GALNT13: variants seen among roughly 807,000 people sequenced by gnomAD.
The protein encoded by GALNT13 is UDP-GalNAc:polypeptide N-acetylgalactosaminyltransferase 13.
In GALNT13, 28 loss-of-function variants were observed where a neutral mutation model predicts 64.2. The ratio of observed to expected loss-of-function variants is 0.44; its 90% CI spans 0.32 to 0.60. The LOEUF is 0.60. Ranked by LOEUF, GALNT13 falls within the 20% of genes least tolerant of loss-of-function variation. GALNT13 has a pLI of 0.05. For synonymous variants in GALNT13, 214 were observed against 224.6 expected (o/e 0.95, Z 0.42); for missense variants, 577 against 669.8 (o/e 0.86, Z 1.53).
the GALNT13 span, among the ~76,000 whole-genome samples, chr2:153,085,635 G>C: frequency 3.9e-5 from 6 of 152,198 alleles, no homozygotes; most frequent in Non-Finnish European, 5.9e-5. Context: ...GGGAACCTCT[G>C]CCTGGATTTC....
chr2:153,690,621 C>T, the GALNT13 span, among the ~76,000 whole-genome samples: 1 of 152,266 alleles, frequency 6.6e-6, no homozygotes, highest in East Asian at 1.9e-4. Flanking sequence ...GGACTTAACA[C>T]ATCCCCACAA....
intron 3 of GALNT13, among the ~76,000 whole-genome samples, chr2:153,992,861 A>G (rs936160778): frequency 6.6e-6 from 1 of 152,198 alleles, no homozygotes; most frequent in African/African-American, 2.4e-5. Flanking sequence ...CTATTAGGCA[A>G]ATTATTTTTA....
chr2:154,345,915 C>A (rs1696042638), intron 9 of GALNT13, among the ~76,000 whole-genome samples: 1 of 152,064 alleles, frequency 6.6e-6, no homozygotes, highest in Non-Finnish European at 1.5e-5. Context: ...TAGATATTAT[C>A]TTTCCTCTTT....
At chr2:153,860,168 G>T in the GALNT13 span, among the ~76,000 whole-genome samples, 1 of 152,134 alleles carries the variant, frequency 6.6e-6, no homozygotes, top group Non-Finnish European at 1.5e-5. Context: ...TGAAACTTTG[G>T]AAATTGGGTT....
chr2:153,631,912 GT>G, the GALNT13 span, among the ~76,000 whole-genome samples: 1 of 152,070 alleles, frequency 6.6e-6, no homozygotes, highest in Non-Finnish European at 1.5e-5. Flanking sequence ...TATCGCCTAG[GT>G]TTTCTTCTAG....
the GALNT13 span, among the ~76,000 whole-genome samples, chr2:153,103,386 A>G: frequency 3.9e-5 from 6 of 152,290 alleles, no homozygotes; most frequent in East Asian, 9.6e-4. Flanking sequence ...ATTAAATGTG[A>G]TGCCTCCAGA....
At chr2:153,663,623 A>T in the GALNT13 span, among the ~76,000 whole-genome samples, 1 of 152,184 alleles carries the variant, frequency 6.6e-6, no homozygotes, top group African/African-American at 2.4e-5. Flanking sequence ...CCCACTCCCA[A>T]AGAAAAATTT....
At chr2:153,355,521 C>T in the GALNT13 span, among the ~76,000 whole-genome samples, 2 of 151,990 alleles carry the variant, frequency 1.3e-5, no homozygotes, top group Non-Finnish European at 1.5e-5. Context: ...GGCATAGTGT[C>T]TTATATAAAG....
At chr2:153,412,523 T>C in the GALNT13 span, among the ~76,000 whole-genome samples, 1 of 152,134 alleles carries the variant, frequency 6.6e-6, no homozygotes, top group East Asian at 1.9e-4. Context: ...ATTGTAAGAG[T>C]GCACTGGCAT....
the GALNT13 span, among the ~76,000 whole-genome samples, chr2:153,604,550 T>A: frequency 5.9e-5 from 9 of 152,166 alleles, no homozygotes; most frequent in South Asian, 1.7e-3. Flanking sequence ...AATATCCTAT[T>A]TAAATTGCTA....
intron 3 of GALNT13, among the ~76,000 whole-genome samples, chr2:154,091,693 A>G (rs1229975016): frequency 6.6e-6 from 1 of 152,038 alleles, no homozygotes; most frequent in African/African-American, 2.4e-5. Flanking sequence ...CACTTATTTA[A>G]TTCATTTATA....
the GALNT13 span, among the ~76,000 whole-genome samples, chr2:153,711,762 A>G: frequency 6.6e-6 from 1 of 152,134 alleles, no homozygotes; most frequent in African/African-American, 2.4e-5. Context: ...CAAAAATGCA[A>G]GTTAATAAGG....
At chr2:154,231,247 A>C (rs1022461878) in intron 4 of GALNT13, among the ~76,000 whole-genome samples, 1 of 152,094 alleles carries the variant, frequency 6.6e-6, no homozygotes, top group Non-Finnish European at 1.5e-5. Flanking sequence ...ATACCTCCTT[A>C]AAAGAAATTC....
At chr2:153,283,462 G>C in the GALNT13 span, among the ~76,000 whole-genome samples, 2 of 152,162 alleles carry the variant, frequency 1.3e-5, no homozygotes. Flanking sequence ...GGATATGCCT[G>C]GTCATGTGTT....
the GALNT13 span, among the ~76,000 whole-genome samples, chr2:153,648,488 A>G: frequency 6.6e-6 from 1 of 152,110 alleles, no homozygotes; most frequent in Non-Finnish European, 1.5e-5. Flanking sequence ...CCTGGTCAGA[A>G]CTTCCAACAC....
intron 3 of GALNT13, among the ~76,000 whole-genome samples, chr2:153,987,364 C>T (rs1338596330): frequency 1.3e-5 from 2 of 151,606 alleles, no homozygotes; most frequent in African/African-American, 4.8e-5. Flanking sequence ...CTAGTCTGGG[C>T]TTAAGGGAGA....
rs986601440 is a variant in GALNT13, at chr2:154,295,886, T to G, written c.976-5523T>G. On this transcript the variant is annotated intron_variant, in intron 8 of 12. Transcript: ENST00000392825. ...GATAAGTTTGATGATGGCTTGCCGTTGTTGGCTTCATATGGTTCCACTTGC... is the reference window on the plus strand; with the variant it reads ...GATAAGTTTGATGATGGCTTGCCGTGGTTGGCTTCATATGGTTCCACTTGC... 9.7e-4 allele frequency among the ~76,000 whole-genome samples: 148 copies of G among 152,178 alleles called. 1 individual carries two copies. Among genetic ancestry groups the G allele is most frequent in the Non-Finnish European group, 2.9e-4 (20 of 68,036 alleles).
At chr2:153,356,789 C>CTTTTTTTTTT in the GALNT13 span, among the ~76,000 whole-genome samples, 7 of 104,904 alleles carry the variant, frequency 6.7e-5, 3 homozygotes, top group African/African-American at 8.8e-5. Context: ...TCTTCTTCCT[C>CTTTTTTTTTT]TTTTTTTTTT....
the GALNT13 span, among the ~76,000 whole-genome samples, chr2:153,163,895 G>A: frequency 6.6e-6 from 1 of 151,992 alleles, no homozygotes; most frequent in East Asian, 1.9e-4. Flanking sequence ...GCGGGCGCCT[G>A]TAGTCCCAGC....
Sources: gnomAD v4.1 joint callset for allele counts (sites outside exome capture counted in the v4.1 genomes callset) on GRCh38, gnomAD v4.1.1 for gene constraint, MANE v1.5 for transcripts, NCBI Gene and HGNC (gene_info 2026-07-23, HGNC 2026-07-21) for gene names.